SPNS2: variants seen among roughly 807,000 people sequenced by gnomAD.
The protein encoded by SPNS2 is SPNS lysolipid transporter 2, sphingosine-1-phosphate.
In SPNS2, 37 loss-of-function variants were observed where a neutral mutation model predicts 57.6. The observed-to-expected ratio is 0.64, with a 90% confidence interval of 0.49 to 0.85. The LOEUF (loss-of-function observed/expected upper bound fraction) is 0.85. Ranked by LOEUF, SPNS2 falls within the 40% of genes least tolerant of loss-of-function variation. SPNS2 has a pLI of 0.00. For missense variants in SPNS2, 831 were observed against 779.1 expected, an observed-to-expected ratio of 1.07 and a Z score of -0.79; for synonymous variants, 440 against 346.9, an observed-to-expected ratio of 1.27 and a Z score of -2.98.
chr17:4,504,499 T>C (rs548035095), intron 1 of SPNS2, among the ~76,000 whole-genome samples: 1 of 152,344 alleles, frequency 6.6e-6, no homozygotes, highest in African/African-American at 2.4e-5. Context: ...GTTTCTCATT[T>C]TGTGGATGAG....
At chr17:4,504,005 CCTGTT>C (rs1904605141) in intron 1 of SPNS2, among the ~76,000 whole-genome samples, 1 of 133,714 alleles carries the variant, frequency 7.5e-6, no homozygotes, top group African/African-American at 2.9e-5. Context: ...TTTGGTCTGT[CCTGTT>C]AAGTCTATCC....
In SPNS2 at chr17:4,533,280, C is replaced by T. The variant is rs750799432; in HGVS notation, c.1126C>T (p.Leu376=). ...GGCCATCACCTGCTTTACGGGATTT[C>T]TGGGCGTGGTCACGGGGGCAGGAGC... ...FGAITCFTGF[L]GVVTGAGATR... is the part of the protein sequence containing the mutation. Residue 376 remains leucine (L), a synonymous_variant, in exon 8 of 13, where the codon CTG becomes TTG. Transcript: ENST00000329078. 1.2e-6 allele frequency: 2 copies of T among 1,609,518 alleles called. No individual in the cohort carries two copies. The highest frequency in any genetic ancestry group is 1.7e-6 in the Non-Finnish European group (2 of 1,177,696).
At chr17:4,513,434 G>C in intron 2 of SPNS2, 122 bp downstream of exon 2, 1 of 1,034,814 alleles carries the variant, frequency 9.7e-7, no homozygotes, top group South Asian at 1.4e-5. Context: ...AAAGAGAGTG[G>C]GCTTTGCATC....
chr17:4,500,761 G>T (rs1904469560), intron 1 of SPNS2, among the ~76,000 whole-genome samples: 1 of 152,098 alleles, frequency 6.6e-6, no homozygotes, highest in Non-Finnish European at 1.5e-5. Flanking sequence ...TGTGTCAAAT[G>T]GAAGGGAAGA....
chr17:4,505,974 A>G (rs1567587089), intron 1 of SPNS2, among the ~76,000 whole-genome samples: 1 of 152,198 alleles, frequency 6.6e-6, no homozygotes. Flanking sequence ...GGCTTTGTCA[A>G]CTGAAAAGGG....
chr17:4,529,924 T>G (rs1433514459), intron 3 of SPNS2, among the ~76,000 whole-genome samples: 2 of 151,878 alleles, frequency 1.3e-5, no homozygotes, highest in African/African-American at 2.4e-5. Context: ...GGGGGAGGGC[T>G]GGACGCGGGC....
intron 3 of SPNS2, among the ~76,000 whole-genome samples, chr17:4,527,137 C>T (rs1905280550): frequency 1.3e-5 from 2 of 152,250 alleles, no homozygotes; most frequent in African/African-American, 2.4e-5. Context: ...CCAGTGAATC[C>T]ATAAATGCAC....
At chr17:4,520,752 G>T (rs1287380003) in intron 2 of SPNS2, among the ~76,000 whole-genome samples, 1 of 152,132 alleles carries the variant, frequency 6.6e-6, no homozygotes, top group Non-Finnish European at 1.5e-5. Flanking sequence ...TCTGGAGTCT[G>T]CCAAACTGGG....
Position 4,536,433 on chromosome 17 carries a change from G to A in SPNS2, c.1607+7G>A, listed in dbSNP as rs11868893. On this transcript the variant is annotated splice_region_variant and intron_variant, in intron 11 of 12. Transcript: ENST00000329078. ...GCGCCAGGGCTGAGCAGCAGTGAGT[G>A]GGGGGGAGGGGAGGCCCTGCTGCAC... The A allele has an allele frequency of 1.1e-5, 16 of 1,500,366 alleles. No individual in the cohort carries two copies. Among genetic ancestry groups the A allele is most frequent in the Non-Finnish European group, 1.3e-5 (15 of 1,119,268 alleles). The allele number at this position is 1,500,366 out of a possible 1,614,324, so 92.9% of individuals were successfully genotyped here. A position where few individuals can be genotyped will look rare whatever the true frequency, so the allele number is the denominator to read the frequency against.
rs1905592726 is a variant in SPNS2 at position 4,533,384 on chromosome 17, C to T, written c.1230C>T (p.Phe410=). The T allele has an allele frequency of 1.2e-6, 2 of 1,610,514 alleles. No homozygotes were observed. The highest frequency in any genetic ancestry group is 1.1e-5 in the South Asian group (1 of 90,908). Residue 410 remains phenylalanine, a synonymous_variant, in exon 8 of 13, where the codon TTC becomes TTT. Transcript: ENST00000329078. ...CAVGMLGSAI[F]ICLIFVAAKS... ...TGGGCATGCTGGGCTCTGCCATCTT[C>T]ATCTGCCTGATCTTCGTGGCTGCCA...
At position 4,528,258 on chromosome 17, in the gene SPNS2, G is replaced by A. The variant is rs573523286; in HGVS notation, c.574-2374G>A. On this transcript the variant is annotated intron_variant, in intron 3 of 12. Transcript: ENST00000329078. ...GGCTAGTCTGGAACTCCTGACCTCA[G>A]GTGATCCTACCGCCTCAGCCTCCTA... Among the ~76,000 whole-genome samples the A allele has an allele frequency of 4.6e-5, 7 of 152,132 alleles. No homozygotes were observed. The East Asian group carries it at 1.4e-3, about 29-fold the overall frequency.
chr17:4,533,274 G>C lies in SPNS2; in HGVS notation c.1120G>C (p.Gly374Arg), dbSNP rs1346736008. The stretch of plus-strand genomic sequence containing the variant: ...CTTTGGGGCCATCACCTGCTTTACG[G>C]GATTTCTGGGCGTGGTCACGGGGGC... ...LIFGAITCFTGFLGVVTGAGA... is the reference protein window; with the variant it reads ...LIFGAITCFTRFLGVVTGAGA... Residue 374 changes from glycine to arginine, a missense_variant, in exon 8 of 13, where the codon GGA (glycine) becomes CGA (arginine). Gly to Arg is a moderately radical substitution (Grantham distance 125). Around this residue, in one of 2 missense-constraint regions of SPNS2, gnomAD observed 526 missense variants for 400.9 expected, o/e 1.31. Transcript: ENST00000329078. 6.2e-7 allele frequency: 1 copy of C among 1,608,894 alleles called. No individual in the cohort carries two copies. The highest frequency in any genetic ancestry group is 8.5e-7 in the Non-Finnish European group (1 of 1,177,300).
At chr17:4,522,843 C>T (rs1377442122) in intron 2 of SPNS2, among the ~76,000 whole-genome samples, 1 of 152,232 alleles carries the variant, frequency 6.6e-6, no homozygotes, top group Non-Finnish European at 1.5e-5. Flanking sequence ...CTCCAAGGCC[C>T]CTCCCATCAC....
rs1008286577 is a variant in SPNS2 at position 4,532,622 on chromosome 17, G to A, written c.873G>A (p.Gln291=). 2.5e-6 allele frequency: 4 copies of A among 1,613,928 alleles called. No homozygotes were observed. The highest frequency in any genetic ancestry group is 1.3e-5 in the African/African-American group (1 of 74,866). ...CCACTAAAAGGGGTCATGCCGACCAGCTCGGGGACCAGCTCAAGGCCCGGA... is the reference window on the plus strand; with the variant it reads ...CCACTAAAAGGGGTCATGCCGACCAACTCGGGGACCAGCTCAAGGCCCGGA... ...VPATKRGHAD[Q]LGDQLKARTS... is the part of the protein sequence containing the mutation. Residue 291 remains glutamine, a synonymous_variant, in exon 6 of 13, where the codon CAG becomes CAA. Coordinates refer to ENST00000329078, the MANE Select transcript of SPNS2 (RefSeq NM_001124758.3).
intron 1 of SPNS2, among the ~76,000 whole-genome samples, chr17:4,505,365 T>G (rs965305745): frequency 6.6e-6 from 1 of 152,186 alleles, no homozygotes; most frequent in African/African-American, 2.4e-5. Flanking sequence ...GCCAGGCCCC[T>G]GTGCTGACAT....
chr17:4,531,975 A>G (rs1022180164), intron 5 of SPNS2, among the ~76,000 whole-genome samples: 5 of 152,052 alleles, frequency 3.3e-5, no homozygotes, highest in Admixed American at 3.3e-4. Context: ...CCAGCGCTTC[A>G]TACCCAAACA....
intron 2 of SPNS2, among the ~76,000 whole-genome samples, chr17:4,523,420 A>C (rs1320680305): frequency 6.6e-6 from 1 of 152,150 alleles, no homozygotes; most frequent in Admixed American, 6.5e-5. Flanking sequence ...CTGCCTGAGC[A>C]ACGGAGCAAG....
At chr17:4,536,454 T>A (rs981322276) in intron 11 of SPNS2, 28 bp downstream of exon 11, 23 of 1,578,546 alleles carry the variant, frequency 1.5e-5, no homozygotes, top group Non-Finnish European at 2.0e-5. Context: ...GAGGCCCTGC[T>A]GCACCGCCGG....
chr17:4,531,254 G>C, intron 5 of SPNS2, 135 bp downstream of exon 5: 1 of 786,652 alleles, frequency 1.3e-6, no homozygotes, highest in Non-Finnish European at 2.1e-6. Flanking sequence ...TGAAATCCCT[G>C]CCCTTCCAGA....
Sources: allele counts gnomAD v4.1 joint callset (sites outside exome capture counted in the v4.1 genomes callset), GRCh38; gene constraint gnomAD v4.1.1; regional missense constraint gnomAD v4.1.1; transcripts MANE v1.5; gene names NCBI Gene and HGNC (gene_info 2026-07-23, HGNC 2026-07-21).